The following AMPD3 variants were observed in gnomAD, a reference collection of about 807,000 sequenced individuals.
AMPD3 encodes the protein adenosine monophosphate deaminase 3, also known as AMP deaminase 3.
In AMPD3, 57 loss-of-function variants were observed where a neutral mutation model predicts 82.3. That is an observed-to-expected ratio of 0.69 (90% CI 0.56 to 0.86). The LOEUF is 0.86. Among genes scored for constraint, AMPD3 ranks in the 40% least tolerant of loss-of-function variants. The pLI is 0.00. For missense variants in AMPD3, 870 were observed against 1,003.8 expected, an observed-to-expected ratio of 0.87 and a Z score of 1.80; for synonymous variants, 381 against 394.7, an observed-to-expected ratio of 0.97 and a Z score of 0.41.
intron 9 of AMPD3, 175 bp from the exon 10 acceptor site, chr11:10,496,637 G>A: frequency 1.4e-6 from 2 of 1,443,220 alleles, no homozygotes; most frequent in Non-Finnish European, 1.9e-6. Context: ...GCAGAATATT[G>A]CAGACATTGC....
chr11:10,494,590 A>G (rs1400326743), intron 7 of AMPD3: 1 of 985,182 alleles, frequency 1.0e-6, no homozygotes, highest in Non-Finnish European at 1.2e-6. Context: ...GTGATAGGGA[A>G]TGTTCTATTA....
intron 11 of AMPD3, chr11:10,500,499 T>C (rs1564857618): frequency 1.4e-6 from 1 of 691,126 alleles, no homozygotes; most frequent in Non-Finnish European, 1.8e-6. Flanking sequence ...ACATATGTCA[T>C]GTACAGTATG....
At chr11:10,496,365 T>G in intron 9 of AMPD3, 1 of 985,442 alleles carries the variant, frequency 1.0e-6, no homozygotes, top group Non-Finnish European at 1.2e-6. Flanking sequence ...TCTACATTGC[T>G]GGCCTCTCCC....
At chr11:10,481,177 G>A (rs1317757515) in intron 3 of AMPD3, among the ~76,000 whole-genome samples, 1 of 152,170 alleles carries the variant, frequency 6.6e-6, no homozygotes, top group Non-Finnish European at 1.5e-5. Context: ...GAAAGGTCTG[G>A]CACATAACAC....
chr11:10,486,001 G>GTC (rs76390981), intron 5 of AMPD3, among the ~76,000 whole-genome samples: 34,770 of 151,860 alleles, frequency 0.23, 4,145 homozygotes, highest in South Asian at 0.41. Context: ...TGTGATGCCA[G>GTC]TCTCGAAAGT....
intron 2 of AMPD3, chr11:10,477,793 G>A (rs566575452): frequency 1.2e-6 from 1 of 835,704 alleles, no homozygotes; most frequent in African/African-American, 1.8e-5. Context: ...CATGGGCCGT[G>A]TGACTTTGTG....
At chr11:10,451,159 G>T (rs1847952864), upstream of AMPD3, 6 of 1,499,446 alleles carry the variant, frequency 4.0e-6, no homozygotes, top group South Asian at 2.5e-5. Context: ...TTCCCTGCTC[G>T]CAGAGGCGGT....
chr11:10,494,403 A>C (rs1341522176), intron 7 of AMPD3: 1 of 262,060 alleles, frequency 3.8e-6, no homozygotes, highest in Non-Finnish European at 5.9e-6. Flanking sequence ...GGAAATGGTT[A>C]GTGGTGATGG....
rs1419123845 is a variant in AMPD3 at position 10,488,197 on chromosome 11, G to A, written c.939+833G>A. ...CAGGGGCCGCAACTGCGGTAGGAGC[G>A]AAGGTTAAATGATCATGGCCCTAGC... On this transcript the variant is annotated intron_variant, in intron 6 of 14. Transcript: ENST00000396553. 15 of 985,338 alleles carry A rather than the reference G, an allele frequency of 1.5e-5. No individual in the cohort carries two copies. The South Asian group carries it at 2.8e-4, about 19-fold the overall frequency. 61.0% of individuals were successfully genotyped at this position (985,338 alleles called of 1,614,324 possible).
chr11:10,454,415 A>C (rs1848035967), upstream of AMPD3, among the ~76,000 whole-genome samples: 1 of 152,174 alleles, frequency 6.6e-6, no homozygotes, highest in Non-Finnish European at 1.5e-5. Context: ...CCGATACCAC[A>C]AGATATTAAT....
Position 10,502,891 on chromosome 11 carries a change from G to A in AMPD3, c.2013G>A (p.Thr671=), listed in dbSNP as rs781091901. The change falls in exon 13 of 15, where the codon ACG becomes ACA. Residue 671 remains threonine (T), a synonymous_variant. Coordinates refer to ENST00000396553, the MANE Select transcript of AMPD3 (RefSeq NM_001025389.2). The part of the protein sequence containing the change: ...STDDPMQFHY[T]KEALMEEYAI... ...ATGACCCCATGCAGTTCCACTACAC[G>A]AAGGTAAGGACTTTGGGGTGAGGAC... 6.8e-6 allele frequency: 11 copies of A among 1,614,092 alleles called. No individual in the cohort carries two copies. The highest frequency in any genetic ancestry group is 6.7e-5 in the East Asian group (3 of 44,876).
At chr11:10,501,446 A>T in intron 11 of AMPD3, 24 bp from the exon 12 acceptor site, 1 of 1,611,420 alleles carries the variant, frequency 6.2e-7, no homozygotes, top group Non-Finnish European at 8.5e-7. Context: ...GGCCTTCCTG[A>T]TTCGGAAACC....
chr11:10,450,823 C>T, upstream of AMPD3: 1 of 1,191,562 alleles, frequency 8.4e-7, no homozygotes, highest in Non-Finnish European at 1.0e-6. Context: ...TGAGGCGGCC[C>T]TCCCTCCTCC....
At chr11:10,478,856 G>A in intron 3 of AMPD3, 126 bp downstream of exon 3, 1 of 1,070,086 alleles carries the variant, frequency 9.3e-7, no homozygotes, top group Non-Finnish European at 1.4e-6. Context: ...AGGTGAAGAG[G>A]AGGCACAGGA....
At chr11:10,504,187 AG>A in intron 13 of AMPD3, 1 of 983,710 alleles carries the variant, frequency 1.0e-6, no homozygotes, top group South Asian at 4.7e-5. Context: ...TGCAAACTTA[AG>A]AAAATAGTGT....
chr11:10,473,981 G>C (rs561522194), intron 2 of AMPD3, among the ~76,000 whole-genome samples: 15 of 152,242 alleles, frequency 9.9e-5, no homozygotes, highest in Admixed American at 3.3e-4. Context: ...GAGTGTGCGT[G>C]GGGGAGGAGT....
At chr11:10,470,283 C>T (rs1848551220) in intron 2 of AMPD3, among the ~76,000 whole-genome samples, 1 of 151,848 alleles carries the variant, frequency 6.6e-6, no homozygotes. Context: ...GCTAAAAACT[C>T]TCAATAAATT....
intron 5 of AMPD3, 189 bp from the exon 6 acceptor site, chr11:10,487,046 T>C (rs1187360406): frequency 3.1e-6 from 3 of 967,086 alleles, no homozygotes; most frequent in Admixed American, 6.2e-5. Context: ...GACTCTCCAC[T>C]GACTTTATAG....
At chr11:10,485,170 C>G (rs1311593468) in intron 5 of AMPD3, 131 bp downstream of exon 5, 3 of 846,664 alleles carry the variant, frequency 3.5e-6, no homozygotes, top group Non-Finnish European at 5.7e-6. Context: ...CGCGGTTTCT[C>G]CTTTCCTCAG....
Sources: allele counts gnomAD v4.1 joint callset (sites outside exome capture counted in the v4.1 genomes callset), GRCh38; gene constraint gnomAD v4.1.1; transcripts MANE v1.5; gene names NCBI Gene and HGNC (gene_info 2026-07-23, HGNC 2026-07-21).